The following CDKL4 variants were observed in gnomAD, a reference collection of about 807,000 sequenced individuals.
CDKL4 encodes cyclin-dependent kinase-like 4.
In CDKL4, 44 loss-of-function variants were observed where a neutral mutation model predicts 42.0. That is an observed-to-expected ratio of 1.05 (90% CI 0.82 to 1.35). The LOEUF (loss-of-function observed/expected upper bound fraction) is 1.35. Among genes scored for constraint, CDKL4 ranks in the 40% most tolerant of loss-of-function variants. The pLI is 0.00. For synonymous variants in CDKL4, 120 were observed against 121.6 expected (o/e 0.99, Z 0.09); for missense variants, 393 against 369.9 (o/e 1.06, Z -0.51).
chr2:39,243,943 C>A (rs1280374315), exon 1 of CDKL4, among the ~76,000 whole-genome samples: 1 of 152,164 alleles, frequency 6.6e-6, no homozygotes, highest in African/African-American at 2.4e-5. Context: ...CCGCGCGTGT[C>A]GCTCGGAGGA....
At chr2:39,212,778 G>C (rs1677667301) in intron 4 of CDKL4, among the ~76,000 whole-genome samples, 2 of 152,080 alleles carry the variant, frequency 1.3e-5, no homozygotes, top group South Asian at 4.1e-4. Flanking sequence ...TCCAGCTCCA[G>C]CCTCCCAGGT....
intron 3 of CDKL4, among the ~76,000 whole-genome samples, chr2:39,219,407 A>ATTTC (rs1242941420): frequency 7.2e-6 from 1 of 138,992 alleles, no homozygotes; most frequent in Non-Finnish European, 1.6e-5. Context: ...ACAGGTACTT[A>ATTTC]TTTATTTATT....
At chr2:39,222,944 C>T (rs954615632) in intron 3 of CDKL4, among the ~76,000 whole-genome samples, 4 of 151,840 alleles carry the variant, frequency 2.6e-5, no homozygotes, top group Admixed American at 6.6e-5. Flanking sequence ...AATTAATATG[C>T]CATTTTAATT....
chr2:39,225,186 G>C (rs569214725), intron 3 of CDKL4, among the ~76,000 whole-genome samples: 1 of 152,172 alleles, frequency 6.6e-6, no homozygotes, highest in South Asian at 2.1e-4. Context: ...TGGATCATGA[G>C]GTCAGGAGTT....
At chr2:39,226,998 C>G (rs928726379) in intron 2 of CDKL4, among the ~76,000 whole-genome samples, 1 of 152,138 alleles carries the variant, frequency 6.6e-6, no homozygotes, top group Non-Finnish European at 1.5e-5. Flanking sequence ...CGTGGACAGG[C>G]TGGTCTCAAA....
chr2:39,176,160 G>C (rs1160179648), intron 9 of CDKL4, 64 bp from the exon 10 acceptor site: 1 of 408,840 alleles, frequency 2.4e-6, no homozygotes, highest in African/African-American at 2.1e-5. Context: ...TGTACAGTTT[G>C]ATTGAAAGAT....
chr2:39,172,408 A>C (rs1675025766), downstream of CDKL4, among the ~76,000 whole-genome samples: 1 of 152,140 alleles, frequency 6.6e-6, no homozygotes, highest in Non-Finnish European at 1.5e-5. Flanking sequence ...TCATGGGCTG[A>C]AGGGTGTGAG....
chr2:39,246,868 C>T (rs938819769), upstream of CDKL4, among the ~76,000 whole-genome samples: 2 of 152,186 alleles, frequency 1.3e-5, no homozygotes, highest in African/African-American at 2.4e-5. Context: ...CTCAGCCTCC[C>T]TCCCCAGTAG....
At chr2:39,226,436 T>TTATATATATTA (rs1005343807) in intron 2 of CDKL4, among the ~76,000 whole-genome samples, 2,930 of 135,996 alleles carry the variant, frequency 0.022, 126 homozygotes, top group East Asian at 0.18. Flanking sequence ...TTTATATAAA[T>TTATATATATTA]TATATATATT....
At chr2:39,229,651 TA>T in intron 1 of CDKL4, 63 bp from the exon 2 acceptor site, 1 of 702,362 alleles carries the variant, frequency 1.4e-6, no homozygotes, top group South Asian at 2.3e-5. Context: ...ACAGGTTATA[TA>T]CAACCAATTT....
chr2:39,221,010 T>TTTTTTTTTTTTTTTTTTTTTTTTTC (rs1678318107), intron 3 of CDKL4, among the ~76,000 whole-genome samples: 1 of 67,518 alleles, frequency 1.5e-5, no homozygotes, highest in Non-Finnish European at 3.1e-5. Context: ...TGTTTTTTTT[T>TTTTTTTTTTTTTTTTTTTTTTTTTC]TTGTTTTGTT....
At chr2:39,229,218 A>T (rs1678943919) in intron 2 of CDKL4, 147 bp downstream of exon 2, 1 of 612,182 alleles carries the variant, frequency 1.6e-6, no homozygotes, top group Non-Finnish European at 2.8e-6. Context: ...CGAAGTCCAA[A>T]GTGATAATCA....
At chr2:39,212,302 C>A (rs988663109) in intron 4 of CDKL4, among the ~76,000 whole-genome samples, 1 of 151,000 alleles carries the variant, frequency 6.6e-6, no homozygotes, top group South Asian at 2.1e-4. Context: ...GGCACGATCT[C>A]GGCTCACTGC....
intron 3 of CDKL4, among the ~76,000 whole-genome samples, chr2:39,218,013 G>A (rs10194771): frequency 0.69 from 105,396 of 151,976 alleles, 40,828 homozygotes; most frequent in Non-Finnish European, 0.87. Flanking sequence ...GATTACAGGC[G>A]TGAGCCACTG....
downstream of CDKL4, among the ~76,000 whole-genome samples, chr2:39,174,049 G>T (rs767175175): frequency 6.6e-6 from 1 of 151,686 alleles, no homozygotes; most frequent in Non-Finnish European, 1.5e-5. Context: ...AAATAAGAAG[G>T]CCTTACTTAA....
At chr2:39,231,075 G>A (rs1242642662) in intron 1 of CDKL4, among the ~76,000 whole-genome samples, 4 of 152,142 alleles carry the variant, frequency 2.6e-5, no homozygotes, top group Non-Finnish European at 5.9e-5. Context: ...ACCCGGGTGT[G>A]GTGGCACAGG....
chr2:39,215,645 G>A (rs766973885), intron 3 of CDKL4, among the ~76,000 whole-genome samples: 13 of 152,166 alleles, frequency 8.5e-5, no homozygotes, highest in Non-Finnish European at 1.8e-4. Context: ...TTGAACATGT[G>A]CAGATGTAGC....
At position 39,201,893 on chromosome 2, in the gene CDKL4, C is replaced by T. The variant is rs192754331; in HGVS notation, c.454+2634G>A. On this transcript the variant is annotated intron_variant, in intron 5 of 9. Transcript: ENST00000451199. ...TACACATTGGGCACAGTGTACACTG[C>T]TCAGGTGGTGGGGGAACCAAAATTC... is the stretch of plus-strand genomic sequence containing the variant. 1.1e-3 allele frequency among the ~76,000 whole-genome samples: 167 copies of T among 152,234 alleles called. 2 individuals carry two copies. The highest frequency in any genetic ancestry group is 7.7e-3 in the Admixed American group (117 of 15,292).
intron 4 of CDKL4, among the ~76,000 whole-genome samples, chr2:39,206,226 G>A (rs929013609): frequency 2.0e-5 from 3 of 152,084 alleles, no homozygotes; most frequent in Admixed American, 1.3e-4. Context: ...GATTACAGGC[G>A]CTCACCACCA....
Sources: gnomAD v4.1 joint callset for allele counts (sites outside exome capture counted in the v4.1 genomes callset) on GRCh38, gnomAD v4.1.1 for gene constraint, MANE v1.5 for transcripts, NCBI Gene and HGNC (gene_info 2026-07-23, HGNC 2026-07-21) for gene names.